PDLIM5: variants seen among roughly 807,000 people sequenced by gnomAD.
PDLIM5 encodes the protein PDZ and LIM domain protein 5.
PDLIM5 carries 34 observed loss-of-function variants against 64.2 expected under a neutral mutation model. The observed-to-expected ratio is 0.53, with a 90% CI of 0.40 to 0.71. The LOEUF (loss-of-function observed/expected upper bound fraction) is 0.71, where lower values mean the gene tolerates loss of function less well. PDLIM5 is among the 30% of genes least tolerant of loss of function. The pLI is 0.00. For missense variants in PDLIM5, 683 were observed against 733.6 expected (o/e 0.93, Z 0.80); for synonymous variants, 253 against 269.1 (o/e 0.94, Z 0.59).
intron 2 of PDLIM5, among the ~76,000 whole-genome samples, chr4:94,472,585 G>A (rs1724978932): frequency 6.6e-6 from 1 of 152,182 alleles, no homozygotes; most frequent in African/African-American, 2.4e-5. Flanking sequence ...CTTTCTAGGT[G>A]TTTTTCCAGC....
intron 2 of PDLIM5, 102 bp from the exon 3 acceptor site, chr4:94,523,622 G>A (rs1730025020): frequency 1.4e-6 from 1 of 714,778 alleles, no homozygotes; most frequent in Non-Finnish European, 2.3e-6. Context: ...TACTTCAATA[G>A]TATATTAATA....
In PDLIM5 at chr4:94,664,015, C is replaced by G. The variant is rs770229681; in HGVS notation, c.1739C>G (p.Ser580Cys). The G allele has an allele frequency of 1.2e-6, 2 of 1,608,366 alleles. No homozygotes were observed. Among genetic ancestry groups the G allele is most frequent in the Non-Finnish European group, 1.7e-6 (2 of 1,176,184 alleles). Residue 580 changes from serine (S) to cysteine (C), a missense_variant, in exon 13 of 13, where the codon TCC (serine) becomes TGC (cysteine). Ser to Cys is a moderately radical substitution (Grantham distance 112, BLOSUM62 -1). Transcript: ENST00000317968. ...CESLEGQTFFSKKDKPLCKKH... is the reference protein window; with the variant it reads ...CESLEGQTFFCKKDKPLCKKH... ...AGTTTGGAAGGTCAGACCTTTTTCT[C>G]CAAGAAGGACAAGCCCCTGTGTAAG...
At chr4:94,479,082 A>G (rs1240738614) in intron 2 of PDLIM5, among the ~76,000 whole-genome samples, 1 of 149,360 alleles carries the variant, frequency 6.7e-6, no homozygotes, top group Non-Finnish European at 1.5e-5. Context: ...TTTTTTTGGT[A>G]AAGACAGGAT....
At chr4:94,530,194 C>T (rs1730739293) in intron 3 of PDLIM5, among the ~76,000 whole-genome samples, 1 of 152,042 alleles carries the variant, frequency 6.6e-6, no homozygotes. Context: ...TTTCTAAATT[C>T]CCTTTTTGTA....
chr4:94,530,669 A>G (rs1346047120), intron 3 of PDLIM5, among the ~76,000 whole-genome samples: 1 of 152,046 alleles, frequency 6.6e-6, no homozygotes, highest in Non-Finnish European at 1.5e-5. Flanking sequence ...TAGAAGTGAA[A>G]GACCTAGAAG....
At chr4:94,463,175 A>G (rs1724049978) in intron 2 of PDLIM5, among the ~76,000 whole-genome samples, 1 of 152,222 alleles carries the variant, frequency 6.6e-6, no homozygotes, top group Admixed American at 6.5e-5. Flanking sequence ...AAATTAAGCA[A>G]ATCACATTTA....
intron 7 of PDLIM5, among the ~76,000 whole-genome samples, chr4:94,609,616 T>G (rs78894488): frequency 0.011 from 1,667 of 152,288 alleles, 40 homozygotes; most frequent in African/African-American, 0.038. Flanking sequence ...TCTCAATATT[T>G]TAAACAATTA....
intron 2 of PDLIM5, among the ~76,000 whole-genome samples, chr4:94,484,242 A>T (rs1235440911): frequency 6.6e-6 from 1 of 152,146 alleles, no homozygotes; most frequent in Non-Finnish European, 1.5e-5. Flanking sequence ...TTGAAATAAT[A>T]TTTTTTGTTG....
At chr4:94,542,986 C>T (rs576815445) in intron 3 of PDLIM5, among the ~76,000 whole-genome samples, 1 of 152,250 alleles carries the variant, frequency 6.6e-6, no homozygotes, top group Non-Finnish European at 1.5e-5. Flanking sequence ...TGGGAAAATG[C>T]AAAAGTGGAC....
At chr4:94,536,090 C>T (rs1158536598) in intron 3 of PDLIM5, among the ~76,000 whole-genome samples, 1 of 152,072 alleles carries the variant, frequency 6.6e-6, no homozygotes, top group African/African-American at 2.4e-5. Context: ...TAGTTACCTC[C>T]AGCTGCCTCA....
chr4:94,607,775 G>C (rs1205941966), intron 7 of PDLIM5, among the ~76,000 whole-genome samples: 3 of 152,072 alleles, frequency 2.0e-5, no homozygotes, highest in Non-Finnish European at 4.4e-5. Context: ...AAAACACGTA[G>C]TCAGTGAATG....
At chr4:94,609,224 G>A (rs548899455) in intron 7 of PDLIM5, among the ~76,000 whole-genome samples, 1 of 152,066 alleles carries the variant, frequency 6.6e-6, no homozygotes, top group Admixed American at 6.6e-5. Context: ...GAAAAAAGTG[G>A]TCATACTGTA....
chr4:94,497,040 A>G (rs927423764), intron 2 of PDLIM5, among the ~76,000 whole-genome samples: 2 of 152,208 alleles, frequency 1.3e-5, no homozygotes, highest in African/African-American at 4.8e-5. Flanking sequence ...TATGCCAAGC[A>G]AGTTTGACAC....
At position 94,515,826 on chromosome 4, in the gene PDLIM5, A is replaced by G. The variant is rs1452353283; in HGVS notation, c.97-7898A>G. Among the ~76,000 whole-genome samples, 4 of 152,190 alleles carry G rather than the reference A, an allele frequency of 2.6e-5. No individual in the cohort carries two copies. In the South Asian group the frequency reaches 6.2e-4, roughly 24 times the overall value. ...TTTATAATTATTTGTGACATTTCCTATCATTTCTCTCACTATTCCAGAGTA... is the reference window on the plus strand; with the variant it reads ...TTTATAATTATTTGTGACATTTCCTGTCATTTCTCTCACTATTCCAGAGTA... On this transcript the variant is annotated intron_variant, in intron 2 of 12. Transcript: ENST00000317968.
chr4:94,611,909 A>G (rs1036262921), intron 7 of PDLIM5, among the ~76,000 whole-genome samples: 2 of 152,172 alleles, frequency 1.3e-5, no homozygotes, highest in East Asian at 3.9e-4. Flanking sequence ...AACCATTCTT[A>G]TAGAGATTTT....
intron 2 of PDLIM5, among the ~76,000 whole-genome samples, chr4:94,519,177 T>G (rs1318001896): frequency 6.6e-6 from 1 of 152,176 alleles, no homozygotes; most frequent in Non-Finnish European, 1.5e-5. Context: ...GAAGGAAGTT[T>G]AAGGAAGGAA....
rs116148450 is a variant in PDLIM5, at chr4:94,575,819, C to T, written c.495C>T (p.Pro165=). The change falls in exon 5 of 13, where the codon CCC becomes CCT. Residue 165 remains proline, a synonymous_variant. Coordinates refer to ENST00000317968, the MANE Select transcript of PDLIM5 (RefSeq NM_006457.5). Reference sequence around the variant, plus strand: ...CCTCATCACATGCTTCCCCTTCACCCGTGGCTGCCGTCACTCCTCCCCTGT... The same window carrying T: ...CCTCATCACATGCTTCCCCTTCACCTGTGGCTGCCGTCACTCCTCCCCTGT... ...ATTSSHASPS[P]VAAVTPPLFA... is the part of the protein sequence containing the mutation. The T allele has an allele frequency of 1.9e-5, 31 of 1,614,016 alleles. No homozygotes were observed. Among genetic ancestry groups the T allele is most frequent in the Middle Eastern group, 1.6e-4 (1 of 6,084 alleles).
intron 9 of PDLIM5, among the ~76,000 whole-genome samples, chr4:94,642,520 T>C (rs1461541571): frequency 6.6e-6 from 1 of 152,216 alleles, no homozygotes; most frequent in Non-Finnish European, 1.5e-5. Context: ...CCATCACTTA[T>C]TGCTCCCTCA....
At chr4:94,495,925 G>A (rs868286632) in intron 2 of PDLIM5, among the ~76,000 whole-genome samples, 1 of 152,170 alleles carries the variant, frequency 6.6e-6, no homozygotes, top group Non-Finnish European at 1.5e-5. Flanking sequence ...GGAACTTAAG[G>A]ATTTTTATAT....
Sources: gnomAD v4.1 joint callset for allele counts (sites outside exome capture counted in the v4.1 genomes callset) on GRCh38, gnomAD v4.1.1 for gene constraint, MANE v1.5 for transcripts, NCBI Gene and HGNC (gene_info 2026-07-23, HGNC 2026-07-21) for gene names.